Variants in USF2 observed in about 807,000 individuals in gnomAD.
The protein encoded by USF2 is upstream transcription factor 2, c-fos interacting, also known as upstream stimulatory factor 2.
A neutral mutation model predicts 46.9 loss-of-function variants in USF2; 16 were observed. The observed-to-expected ratio is 0.34, with a 90% CI of 0.23 to 0.52. USF2 has a LOEUF of 0.52. Ranked by LOEUF, USF2 falls within the 20% of genes least tolerant of loss-of-function variation. The pLI is 0.96. For missense variants in USF2, 411 were observed against 474.0 expected (o/e 0.87, Z 1.23); for synonymous variants, 239 against 194.1 (o/e 1.23, Z -1.92).
chr19:35,279,144 T>C (rs1393887939), intron 9 of USF2, 23 bp from the exon 10 acceptor site: 2 of 1,611,592 alleles, frequency 1.2e-6, no homozygotes, highest in Admixed American at 1.7e-5. Context: ...CTCAGCTCCC[T>C]TGACCTCCGT....
intron 9 of USF2, 28 bp from the exon 10 acceptor site, chr19:35,279,139 C>T (rs371410650): frequency 5.6e-6 from 9 of 1,611,482 alleles, no homozygotes; most frequent in Non-Finnish European, 7.6e-6. Flanking sequence ...TGGCCCTCAG[C>T]TCCCTTGACC....
At chr19:35,278,896 G>A in intron 8 of USF2, 50 bp from the exon 9 acceptor site, 2 of 1,582,844 alleles carry the variant, frequency 1.3e-6, no homozygotes, top group Non-Finnish European at 1.7e-6. Context: ...CTGGGGTGGA[G>A]GCCGGTGGGC....
Position 35,269,864 on chromosome 19 carries a change from G to A in USF2, c.290G>A (p.Gly97Asp). The A allele has an allele frequency of 7.0e-7, 1 of 1,424,456 alleles. No individual in the cohort carries two copies. Among genetic ancestry groups the A allele is most frequent in the South Asian group, 1.5e-5 (1 of 65,272 alleles). The allele number at this position is 1,424,456 out of a possible 1,614,324, so 88.2% of individuals were successfully genotyped here. A position where few individuals can be genotyped will look rare whatever the true frequency, so the allele number is the denominator to read the frequency against. ...CTGGACGGCCAGGGCGACACAGCTG[G>A]CGCCGTCAGCGTCGTGTCCACCGCT... The part of the protein sequence containing the change: ...GQLDGQGDTA[G>D]AVSVVSTAAF... The change falls in exon 4 of 10, where the codon GGC becomes GAC. Residue 97 changes from glycine (G) to aspartate (D), a missense_variant. Coordinates refer to ENST00000222305, the MANE Select transcript of USF2 (RefSeq NM_003367.4).
At chr19:35,273,112 C>G (rs1339998674) in intron 7 of USF2, among the ~76,000 whole-genome samples, 1 of 151,992 alleles carries the variant, frequency 6.6e-6, no homozygotes, top group African/African-American at 2.4e-5. Context: ...TTGAAACTTT[C>G]TCACCCTGTG....
intron 1 of USF2, 128 bp from the exon 2 acceptor site, chr19:35,269,318 C>T (rs1048199642): frequency 1.6e-5 from 14 of 879,220 alleles, no homozygotes; most frequent in African/African-American, 5.6e-5. Context: ...CCGCCCCCGG[C>T]CCCCGGCCTC....
chr19:35,271,842 G>A (rs1407841723), intron 7 of USF2, among the ~76,000 whole-genome samples: 2 of 152,220 alleles, frequency 1.3e-5, no homozygotes, highest in African/African-American at 4.8e-5. Flanking sequence ...GGCCTGGAGC[G>A]TCAGGGAGGC....
intron 7 of USF2, among the ~76,000 whole-genome samples, chr19:35,272,647 G>A (rs2066173622): frequency 6.6e-6 from 1 of 152,098 alleles, no homozygotes; most frequent in Non-Finnish European, 1.5e-5. Flanking sequence ...TGAGAAGCCA[G>A]CAGAGGGGTT....
Position 35,270,711 on chromosome 19 carries a change from C to T in USF2, c.581-7C>T. The T allele has an allele frequency of 1.2e-6, 2 of 1,614,090 alleles. No homozygotes were observed. The highest frequency in any genetic ancestry group is 1.1e-5 in the South Asian group (1 of 91,082). ...GCCTTGCCACTAACCCCCCACTCTCCCTGCAGGCCAGTTCTACGTCATGAT... is the reference window on the plus strand; with the variant it reads ...GCCTTGCCACTAACCCCCCACTCTCTCTGCAGGCCAGTTCTACGTCATGAT... On this transcript the variant is annotated splice_polypyrimidine_tract_variant and splice_region_variant and intron_variant, in intron 5 of 9. Coordinates refer to ENST00000222305, the MANE Select transcript of USF2 (RefSeq NM_003367.4).
At chr19:35,272,885 CAG>C (rs1264622128) in intron 7 of USF2, among the ~76,000 whole-genome samples, 2 of 151,988 alleles carry the variant, frequency 1.3e-5, no homozygotes, top group East Asian at 3.9e-4. Flanking sequence ...AGAGCAGCCC[CAG>C]CCCCACGACT....
intron 7 of USF2, among the ~76,000 whole-genome samples, chr19:35,276,182 G>A (rs567287997): frequency 1.4e-5 from 2 of 145,684 alleles, no homozygotes; most frequent in South Asian, 2.2e-4. Flanking sequence ...AGCAATTCTC[G>A]TGCTTCAGCC....
intron 7 of USF2, among the ~76,000 whole-genome samples, chr19:35,274,321 T>G (rs968396326): frequency 1.3e-5 from 2 of 152,214 alleles, no homozygotes; most frequent in African/African-American, 2.4e-5. Flanking sequence ...CTCTGCCCTC[T>G]TCTTCCCTTA....
At chr19:35,273,717 G>A (rs1396828311) in intron 7 of USF2, among the ~76,000 whole-genome samples, 2 of 151,712 alleles carry the variant, frequency 1.3e-5, no homozygotes, top group South Asian at 2.1e-4. Context: ...GTCATCACAT[G>A]GGGTAATTTT....
At chr19:35,277,960 T>G (rs2066257669) in intron 7 of USF2, 1 of 152,230 alleles carries the variant, frequency 6.6e-6, no homozygotes, top group African/African-American at 2.4e-5. Flanking sequence ...GGCATGAGAT[T>G]GTGGAGTTTT....
chr19:35,269,776 G>A (rs926046900), intron 3 of USF2, 27 bp from the exon 4 acceptor site: 1 of 1,489,164 alleles, frequency 6.7e-7, no homozygotes. Context: ...CCCAGCGCCG[G>A]CCTCGCCGCT....
At chr19:35,273,863 C>T (rs1185339333) in intron 7 of USF2, among the ~76,000 whole-genome samples, 1 of 152,218 alleles carries the variant, frequency 6.6e-6, no homozygotes, top group African/African-American at 2.4e-5. Context: ...AAGGTCCGGC[C>T]CCTCCCGTCG....
At chr19:35,276,484 G>A (rs1444711095) in intron 7 of USF2, among the ~76,000 whole-genome samples, 1 of 152,206 alleles carries the variant, frequency 6.6e-6, no homozygotes, top group East Asian at 1.9e-4. Flanking sequence ...GCCACAGGCT[G>A]GACAGCATTA....
chr19:35,275,322 C>A (rs1165146724), intron 7 of USF2: 1 of 152,174 alleles, frequency 6.6e-6, no homozygotes, highest in South Asian at 2.1e-4. Context: ...GCTGGGATTA[C>A]AGGAGTGAGC....
At chr19:35,277,397 GA>G (rs1402291725) in intron 7 of USF2, 4 of 153,598 alleles carry the variant, frequency 2.6e-5, no homozygotes, top group Non-Finnish European at 5.8e-5. Flanking sequence ...GCCTGAGTGG[GA>G]GGCACTGGAG....
chr19:35,275,692 C>T (rs12981457), intron 7 of USF2: 18,985 of 152,030 alleles, frequency 0.12, 1,591 homozygotes, highest in Middle Eastern at 0.23. Context: ...GCTTAATTTC[C>T]AAATATTTGT....
Sources: allele counts gnomAD v4.1 joint callset (sites outside exome capture counted in the v4.1 genomes callset), GRCh38; gene constraint gnomAD v4.1.1; transcripts MANE v1.5; gene names NCBI Gene and HGNC (gene_info 2026-07-23, HGNC 2026-07-21).